The following NWD1 variants were observed in gnomAD, a reference collection of about 807,000 sequenced individuals.
NWD1 encodes the protein NACHT domain- and WD repeat-containing protein 1.
In NWD1, 129 loss-of-function variants were observed where a neutral mutation model predicts 135.1. That is an observed-to-expected ratio of 0.96 (90% CI 0.83 to 1.11). The LOEUF is 1.11. Ranked by LOEUF, NWD1 falls within the 50% of genes least tolerant of loss-of-function variation. NWD1 has a pLI of 0.00. For synonymous variants in NWD1, 773 were observed against 786.0 expected (o/e 0.98, Z 0.28); for missense variants, 1,740 against 1,851.3 (o/e 0.94, Z 1.10).
rs758829812 is a variant in NWD1 at position 16,749,659 on chromosome 19, C to G, written c.1017C>G (p.Leu339=). 30 of 1,602,442 alleles carry G rather than the reference C, an allele frequency of 1.9e-5. No individual in the cohort carries two copies. In the South Asian group the frequency reaches 3.1e-4, roughly 17 times the overall value. ...GCAAGCAGCACACCCCCCTGGTACT[C>G]TTTGGGCCCCCAGGCATTGGAAAGA... ...DDSKQHTPLV[L]FGPPGIGKTA... The change falls in exon 6 of 19, where the codon CTC becomes CTG. Residue 339 remains leucine (L), a synonymous_variant. Transcript: ENST00000524140.
intron 8 of NWD1, among the ~76,000 whole-genome samples, chr19:16,762,529 G>A (rs1185022323): frequency 1.3e-5 from 2 of 151,168 alleles, no homozygotes; most frequent in African/African-American, 2.4e-5. Flanking sequence ...ACTCCTGCCT[G>A]GGCAACAGAG....
rs753694891 is a variant in NWD1 at position 16,791,565 on chromosome 19, C to T, written c.3156C>T (p.Val1052=). The T allele has an allele frequency of 6.2e-7, 1 of 1,614,186 alleles. No homozygotes were observed. Among genetic ancestry groups the T allele is most frequent in the South Asian group, 1.1e-5 (1 of 91,082 alleles). The change falls in exon 14 of 19, where the codon GTC becomes GTT. Residue 1052 remains valine (V), a synonymous_variant. Transcript: ENST00000524140. ...SIKEETPTCA[V]SVQKQGKLVT... Reference sequence around the variant, plus strand: ...AAGAAGAAACACCTACCTGTGCCGTCTCAGTCCAGAAGCAAGGAAAGCTTG... The same window carrying T: ...AAGAAGAAACACCTACCTGTGCCGTTTCAGTCCAGAAGCAAGGAAAGCTTG...
At chr19:16,807,270 G>C (rs1970776493) in intron 17 of NWD1, among the ~76,000 whole-genome samples, 1 of 152,016 alleles carries the variant, frequency 6.6e-6, no homozygotes, top group Admixed American at 6.6e-5. Context: ...AAGGTGGGTG[G>C]ATCACCTGAG....
intron 3 of NWD1, among the ~76,000 whole-genome samples, chr19:16,734,559 C>CTTTTTTT (rs58061957): frequency 1.5e-5 from 2 of 137,060 alleles, no homozygotes; most frequent in Admixed American, 7.3e-5. Flanking sequence ...GATTTTCTTT[C>CTTTTTTT]TTTTTTTTTT....
chr19:16,758,152 T>C (rs773845), intron 6 of NWD1, among the ~76,000 whole-genome samples: 72,444 of 151,978 alleles, frequency 0.48, 19,533 homozygotes, highest in African/African-American at 0.74. Context: ...ACTTGAAAGG[T>C]GCTTCACACA....
At chr19:16,725,189 T>C (rs932453241) in intron 2 of NWD1, among the ~76,000 whole-genome samples, 1 of 151,426 alleles carries the variant, frequency 6.6e-6, no homozygotes, top group South Asian at 2.1e-4. Flanking sequence ...AATTTTTGTA[T>C]TTTTAGTAGA....
intron 6 of NWD1, among the ~76,000 whole-genome samples, chr19:16,758,777 A>G (rs1179880734): frequency 1.3e-5 from 2 of 152,052 alleles, no homozygotes; most frequent in African/African-American, 4.8e-5. Flanking sequence ...TGGGAGACCG[A>G]GGCAGGTGGA....
At chr19:16,804,844 G>A (rs1970704971) in intron 17 of NWD1, among the ~76,000 whole-genome samples, 1 of 151,292 alleles carries the variant, frequency 6.6e-6, no homozygotes, top group Admixed American at 6.6e-5. Context: ...TCTTATTTAA[G>A]AGTCAGGGCT....
At chr19:16,759,156 T>C (rs1218752730) in intron 6 of NWD1, 69 bp from the exon 7 acceptor site, 54 of 1,358,324 alleles carry the variant, frequency 4.0e-5, no homozygotes, top group Non-Finnish European at 5.2e-5. Context: ...CTCCCTCTCT[T>C]GGATTCTGCA....
At position 16,749,310 on chromosome 19, in the gene NWD1, T is replaced by C. The variant is rs1330078383; in HGVS notation, c.668T>C (p.Leu223Pro). ...DGCLDADAQN[L>P]LSSLKSHITD... ...TGCCTGGACGCTGATGCCCAGAACCTTCTCAGCAGCCTCAAAAGTCACATC... is the reference window on the plus strand; with the variant it reads ...TGCCTGGACGCTGATGCCCAGAACCCTCTCAGCAGCCTCAAAAGTCACATC... Residue 223 changes from leucine to proline, a missense_variant, in exon 6 of 19, where the codon CTT (leucine) becomes CCT (proline). Leu to Pro is a moderately conservative substitution (Grantham distance 98, BLOSUM62 -3). Transcript: ENST00000524140. 1 of 1,613,936 alleles carries C rather than the reference T, an allele frequency of 6.2e-7. No homozygotes were observed. Among genetic ancestry groups the C allele is most frequent in the Non-Finnish European group, 8.5e-7 (1 of 1,179,984 alleles).
intron 6 of NWD1, among the ~76,000 whole-genome samples, chr19:16,753,023 G>T (rs1331807016): frequency 6.6e-6 from 1 of 152,168 alleles, no homozygotes; most frequent in Non-Finnish European, 1.5e-5. Flanking sequence ...TAACAACTGG[G>T]GCATGTTCCA....
Position 16,807,959 on chromosome 19 carries a change from CCT to C in NWD1, c.4113_4114del (p.Phe1372SerfsTer36). 1 of 1,614,142 alleles carries C rather than the reference CCT, an allele frequency of 6.2e-7. No individual in the cohort carries two copies. The highest frequency in any genetic ancestry group is 8.5e-7 in the Non-Finnish European group (1 of 1,180,028). On this transcript the variant is annotated frameshift_variant, in exon 18 of 19. Coordinates refer to ENST00000524140, the MANE Select transcript of NWD1 (RefSeq NM_001007525.5). LOFTEE classifies it high-confidence loss of function. The part of the protein sequence containing the change: ...RVVYSMTNGD[L>X]FLYECATSKA... ...TGGTCTACAGCATGACCAATGGGGACCTCTTTCTTTACGAGTGTGCAACTTCC... is the reference window on the plus strand; with the variant it reads ...TGGTCTACAGCATGACCAATGGGGACCTTTCTTTACGAGTGTGCAACTTCC...
chr19:16,723,454 C>T (rs556188459), intron 1 of NWD1, among the ~76,000 whole-genome samples: 9 of 152,136 alleles, frequency 5.9e-5, no homozygotes, highest in South Asian at 2.1e-4. Flanking sequence ...GGATTACAGG[C>T]GTGAGCCACC....
intron 15 of NWD1, among the ~76,000 whole-genome samples, chr19:16,797,404 T>C (rs1430536245): frequency 6.6e-6 from 1 of 150,828 alleles, no homozygotes; most frequent in Non-Finnish European, 1.5e-5. Context: ...AATCTCAGCT[T>C]ACTGCAGCCT....
chr19:16,733,588 C>T (rs537029871), intron 3 of NWD1, among the ~76,000 whole-genome samples: 3 of 151,544 alleles, frequency 2.0e-5, no homozygotes, highest in African/African-American at 4.8e-5. Context: ...GATGCATGAT[C>T]GTTATGGTTT....
chr19:16,750,508 G>T, intron 6 of NWD1, 97 bp downstream of exon 6: 1 of 962,682 alleles, frequency 1.0e-6, no homozygotes, highest in Non-Finnish European at 1.5e-6. Context: ...AGGCTGGAGT[G>T]CAGTGGTGTG....
chr19:16,757,169 G>A (rs1968829702), intron 6 of NWD1, among the ~76,000 whole-genome samples: 1 of 152,076 alleles, frequency 6.6e-6, no homozygotes, highest in Non-Finnish European at 1.5e-5. Context: ...CCCTACCCTG[G>A]TCCGCGGGAA....
intron 5 of NWD1, among the ~76,000 whole-genome samples, chr19:16,745,619 A>C (rs1380088889): frequency 6.6e-6 from 1 of 152,054 alleles, no homozygotes; most frequent in Non-Finnish European, 1.5e-5. Flanking sequence ...GCATGCCTGT[A>C]GTCCCAGCCA....
intron 6 of NWD1, among the ~76,000 whole-genome samples, chr19:16,751,466 G>A (rs1296479040): frequency 6.6e-6 from 1 of 150,448 alleles, no homozygotes; most frequent in African/African-American, 2.5e-5. Context: ...AAGAAAGGAA[G>A]AGAGAAAGAA....
Sources: allele counts gnomAD v4.1 joint callset (sites outside exome capture counted in the v4.1 genomes callset), GRCh38; gene constraint gnomAD v4.1.1; transcripts MANE v1.5; gene names NCBI Gene and HGNC (gene_info 2026-07-23, HGNC 2026-07-21).